Variants in TENM3 observed in about 807,000 individuals in gnomAD.
The protein encoded by TENM3 is teneurin transmembrane protein 3.
TENM3 carries 63 observed loss-of-function variants against 255.1 expected under a neutral mutation model. The observed-to-expected ratio is 0.25, with a 90% CI of 0.20 to 0.30. The LOEUF (loss-of-function observed/expected upper bound fraction) is 0.30. TENM3 is among the 10% of genes least tolerant of loss of function. The pLI, the probability that TENM3 is intolerant of heterozygous loss-of-function variation, is 1.00. For synonymous variants in TENM3, 1,306 were observed against 1,322.3 expected, an observed-to-expected ratio of 0.99 and a Z score of 0.27; for missense variants, 2,929 against 3,461.1, an observed-to-expected ratio of 0.85 and a Z score of 3.86.
intron 1 of TENM3, among the ~76,000 whole-genome samples, chr4:182,269,494 G>A (rs1468780454): frequency 1.3e-5 from 2 of 152,122 alleles, no homozygotes; most frequent in African/African-American, 4.8e-5. Context: ...ATCACTGAGA[G>A]AAGATGTCAC....
At chr4:182,333,795 G>A (rs1420415038) in intron 2 of TENM3, among the ~76,000 whole-genome samples, 1 of 152,126 alleles carries the variant, frequency 6.6e-6, no homozygotes, top group Non-Finnish European at 1.5e-5. Context: ...TAAAGATATG[G>A]TTGTATGCAT....
chr4:181,571,068 G>A, the TENM3 span, among the ~76,000 whole-genome samples: 30 of 152,144 alleles, frequency 2.0e-4, no homozygotes, highest in Admixed American at 1.9e-3. Context: ...GGAGTGTTCT[G>A]TGGATTTATG....
chr4:182,721,635 A>G (rs1253466386), intron 13 of TENM3, among the ~76,000 whole-genome samples: 2 of 152,128 alleles, frequency 1.3e-5, no homozygotes, highest in Non-Finnish European at 2.9e-5. Flanking sequence ...GCTGGTTCAA[A>G]AGGTATTTTA....
At chr4:182,334,325 G>A (rs1295584222) in intron 2 of TENM3, among the ~76,000 whole-genome samples, 1 of 152,144 alleles carries the variant, frequency 6.6e-6, no homozygotes, top group Non-Finnish European at 1.5e-5. Flanking sequence ...TGGATGGGAA[G>A]ATGATACCAT....
At chr4:181,618,845 G>T in the TENM3 span, among the ~76,000 whole-genome samples, 1 of 152,118 alleles carries the variant, frequency 6.6e-6, no homozygotes, top group Non-Finnish European at 1.5e-5. Context: ...AAGAGTACTG[G>T]GATTGTTTAT....
intron 3 of TENM3, among the ~76,000 whole-genome samples, chr4:182,454,526 G>A (rs1051777175): frequency 6.6e-6 from 1 of 152,140 alleles, no homozygotes; most frequent in African/African-American, 2.4e-5. Context: ...TTTTAAGCTA[G>A]TAAGAGGAAA....
the TENM3 span, among the ~76,000 whole-genome samples, chr4:181,547,233 A>G: frequency 6.6e-6 from 1 of 152,200 alleles, no homozygotes; most frequent in African/African-American, 2.4e-5. Context: ...GAAACATAAA[A>G]TATGACATTT....
At chr4:182,448,833 G>C (rs1423087722) in intron 3 of TENM3, among the ~76,000 whole-genome samples, 5 of 151,656 alleles carry the variant, frequency 3.3e-5, no homozygotes, top group Admixed American at 6.6e-5. Context: ...GTGAGGCGGC[G>C]GCCGAGCCGG....
chr4:181,546,241 G>A, the TENM3 span, among the ~76,000 whole-genome samples: 2 of 151,996 alleles, frequency 1.3e-5, no homozygotes, highest in Middle Eastern at 3.2e-3. Context: ...TTTAGCTGTC[G>A]CAGCTTCTTT....
At chr4:182,086,277 A>G in the TENM3 span, among the ~76,000 whole-genome samples, 1 of 152,316 alleles carries the variant, frequency 6.6e-6, no homozygotes, top group East Asian at 1.9e-4. Context: ...GGCATCTCAG[A>G]CACTGCACAA....
At chr4:182,622,837 A>G (rs1750424918) in intron 4 of TENM3, among the ~76,000 whole-genome samples, 2 of 152,196 alleles carry the variant, frequency 1.3e-5, no homozygotes. Flanking sequence ...AAGCCCTGTT[A>G]ATACAGAGGT....
the TENM3 span, among the ~76,000 whole-genome samples, chr4:181,502,467 A>C: frequency 6.6e-6 from 1 of 152,220 alleles, no homozygotes; most frequent in Non-Finnish European, 1.5e-5. Flanking sequence ...TGAGAAAATC[A>C]GGCTTAGGGA....
intron 19 of TENM3, 138 bp from the exon 20 acceptor site, chr4:182,751,662 G>A: frequency 4.6e-6 from 3 of 649,720 alleles, no homozygotes; most frequent in Non-Finnish European, 8.3e-6. Flanking sequence ...TAAATAGACA[G>A]TACTATTCAT....
At chr4:181,985,648 A>G in the TENM3 span, among the ~76,000 whole-genome samples, 10 of 152,142 alleles carry the variant, frequency 6.6e-5, no homozygotes, top group Non-Finnish European at 1.3e-4. Context: ...GTCCCCATAA[A>G]TGTTAGCAAA....
the TENM3 span, among the ~76,000 whole-genome samples, chr4:181,530,751 AT>A: frequency 3.9e-5 from 6 of 152,218 alleles, no homozygotes; most frequent in Admixed American, 3.3e-4. Flanking sequence ...CAACAAAGAT[AT>A]TGCCTCTTTA....
intron 13 of TENM3, among the ~76,000 whole-genome samples, chr4:182,721,795 T>C (rs1561158488): frequency 6.6e-6 from 1 of 152,190 alleles, no homozygotes; most frequent in South Asian, 2.1e-4. Context: ...TGACCCCATT[T>C]TTATCATTTT....
chr4:182,234,160 C>T lies in TENM3; in HGVS notation c.-76+89406C>T, dbSNP rs181001676. Among the ~76,000 whole-genome samples the T allele has an allele frequency of 6.5e-3, 995 of 152,204 alleles. 13 individuals carry two copies. The highest frequency in any genetic ancestry group is 0.022 in the African/African-American group (893 of 41,518). ...TGTCAGTTCTTTCCACGTTAACAAC[C>T]CTTGGATTGTCAGTCTCTCTCTCTC... On this transcript the variant is annotated intron_variant, in intron 1 of 2. Transcript: ENST00000512480.
rs549187602 is a variant in TENM3, at chr4:182,595,314, G to A, written c.512-5610G>A. ...GCTTGGAACTGGGGGCCGGTAAGCTGCTTACACTGTAATCTACCCTGTATC... is the reference window on the plus strand; with the variant it reads ...GCTTGGAACTGGGGGCCGGTAAGCTACTTACACTGTAATCTACCCTGTATC... On this transcript the variant is annotated intron_variant, in intron 3 of 27. Transcript: ENST00000511685. Among the ~76,000 whole-genome samples the A allele has an allele frequency of 9.0e-4, 137 of 152,062 alleles. 2 individuals are homozygous for A. Among genetic ancestry groups the A allele is most frequent in the Non-Finnish European group, 1.3e-3 (87 of 67,998 alleles).
At chr4:182,120,765 G>A in the TENM3 span, among the ~76,000 whole-genome samples, 14 of 152,086 alleles carry the variant, frequency 9.2e-5, no homozygotes, top group Non-Finnish European at 1.5e-4. Context: ...GCCAGTGTCC[G>A]GTACCAAGTA....
Sources: gnomAD v4.1 joint callset for allele counts (sites outside exome capture counted in the v4.1 genomes callset) on GRCh38, gnomAD v4.1.1 for gene constraint, MANE v1.5 for transcripts, NCBI Gene and HGNC (gene_info 2026-07-23, HGNC 2026-07-21) for gene names.